TBC1D22A: variants seen among roughly 807,000 people sequenced by gnomAD.
TBC1D22A encodes TBC1 domain family member 22A.
In TBC1D22A, 38 loss-of-function variants were observed where a neutral mutation model predicts 60.2. The observed-to-expected ratio is 0.63, with a 90% confidence interval of 0.49 to 0.83. The LOEUF is 0.83. TBC1D22A is among the 40% of genes least tolerant of loss of function. TBC1D22A has a pLI of 0.00. For synonymous variants in TBC1D22A, 302 were observed against 281.7 expected (o/e 1.07, Z -0.72); for missense variants, 628 against 701.0 (o/e 0.90, Z 1.18).
chr22:47,001,460 A>AG (rs1164605211), intron 10 of TBC1D22A, among the ~76,000 whole-genome samples: 2 of 151,694 alleles, frequency 1.3e-5, no homozygotes, highest in Non-Finnish European at 2.9e-5. Flanking sequence ...AGAAAAAAAA[A>AG]AAAAAAAAAA....
At chr22:46,951,810 G>A (rs887794865) in intron 8 of TBC1D22A, among the ~76,000 whole-genome samples, 1 of 152,342 alleles carries the variant, frequency 6.6e-6, no homozygotes, top group Middle Eastern at 3.4e-3. Context: ...TGTAGGAAAT[G>A]TCTTTCTTTA....
chr22:46,925,359 C>G (rs1006365606), intron 8 of TBC1D22A, among the ~76,000 whole-genome samples: 3 of 152,258 alleles, frequency 2.0e-5, no homozygotes, highest in African/African-American at 7.2e-5. Context: ...CCTGGGGTTG[C>G]TCGTGTGTGG....
intron 4 of TBC1D22A, among the ~76,000 whole-genome samples, chr22:46,856,375 T>A (rs1271626321): frequency 6.6e-6 from 1 of 152,180 alleles, no homozygotes; most frequent in Non-Finnish European, 1.5e-5. Flanking sequence ...TCAGAAGGGG[T>A]TTGAGCTGAG....
intron 8 of TBC1D22A, among the ~76,000 whole-genome samples, chr22:46,965,290 C>A (rs2073743414): frequency 6.6e-6 from 1 of 152,242 alleles, no homozygotes; most frequent in Non-Finnish European, 1.5e-5. Context: ...TGCCATCTGA[C>A]CTGTGGGGGC....
At chr22:47,011,469 C>T (rs933607627) in intron 10 of TBC1D22A, among the ~76,000 whole-genome samples, 12 of 152,152 alleles carry the variant, frequency 7.9e-5, no homozygotes, top group African/African-American at 2.7e-4. Context: ...TTTTTGGCTT[C>T]GACCACATGC....
intron 7 of TBC1D22A, 119 bp from the exon 8 acceptor site, chr22:46,911,955 A>G (rs2069960464): frequency 1.5e-6 from 1 of 658,766 alleles, no homozygotes; most frequent in Non-Finnish European, 2.6e-6. Flanking sequence ...TTATATTTGT[A>G]TCTTAATATT....
chr22:46,780,503 G>A (rs927150811), intron 1 of TBC1D22A, among the ~76,000 whole-genome samples: 1 of 151,976 alleles, frequency 6.6e-6, no homozygotes, highest in African/African-American at 2.4e-5. Context: ...TTGGTGTAGA[G>A]GCTTCAAATT....
In TBC1D22A at chr22:47,173,940, G is replaced by A; in HGVS notation, c.*314G>A. On this transcript the variant is annotated 3_prime_UTR_variant, in exon 13 of 13. Transcript: ENST00000337137. ...AAATGACTGCCTCGTGCTGCCCCTA[G>A]TCCGGGGCAGCCTAGGAGGCCGACC... 1 of 279,778 alleles carries A rather than the reference G, an allele frequency of 3.6e-6. No individual in the cohort carries two copies. Among genetic ancestry groups the A allele is most frequent in the Non-Finnish European group, 6.9e-6 (1 of 144,666 alleles). The allele number at this position is 279,778 out of a possible 1,614,324, so 17.3% of individuals were successfully genotyped here. A position where few individuals can be genotyped will look rare whatever the true frequency, so the allele number is the denominator to read the frequency against.
At chr22:47,128,039 CTCTCCTCCG>C (rs2066535618) in intron 12 of TBC1D22A, among the ~76,000 whole-genome samples, 6 of 83,470 alleles carry the variant, frequency 7.2e-5, no homozygotes, top group African/African-American at 3.2e-4. Flanking sequence ...CCCACCCATC[CTCTCCTCCG>C]CCCAACCCAT....
chr22:46,866,447 A>C (rs1345009853), intron 4 of TBC1D22A, among the ~76,000 whole-genome samples: 3 of 152,234 alleles, frequency 2.0e-5, no homozygotes, highest in Non-Finnish European at 4.4e-5. Flanking sequence ...GAGTGAATCC[A>C]TCAGCATCAC....
intron 1 of TBC1D22A, among the ~76,000 whole-genome samples, chr22:46,779,510 C>T (rs1039990257): frequency 3.9e-5 from 6 of 152,160 alleles, no homozygotes; most frequent in African/African-American, 1.4e-4. Context: ...CTGCCCGCCT[C>T]GGCCTCCCAA....
intron 1 of TBC1D22A, among the ~76,000 whole-genome samples, chr22:46,774,947 C>G (rs1056699750): frequency 9.2e-5 from 14 of 152,236 alleles, no homozygotes; most frequent in Non-Finnish European, 1.3e-4. Context: ...GGCCTCTACT[C>G]CTTGCTGTGC....
intron 10 of TBC1D22A, among the ~76,000 whole-genome samples, chr22:47,015,588 G>T (rs1377023369): frequency 6.6e-6 from 1 of 152,144 alleles, no homozygotes; most frequent in Non-Finnish European, 1.5e-5. Flanking sequence ...CTTGTCTTGC[G>T]ACCACACACA....
intron 1 of TBC1D22A, among the ~76,000 whole-genome samples, chr22:46,774,978 T>C (rs949711889): frequency 1.3e-5 from 2 of 152,240 alleles, no homozygotes; most frequent in African/African-American, 4.8e-5. Context: ...TGGGCCTTCT[T>C]TTATCAAACA....
Position 46,762,745 on chromosome 22 carries a change from T to C in TBC1D22A, c.-42T>C. 7.1e-7 allele frequency: 1 copy of C among 1,407,032 alleles called. No individual in the cohort carries two copies. The highest frequency in any genetic ancestry group is 9.2e-7 in the Non-Finnish European group (1 of 1,083,454). The allele number at this position is 1,407,032 out of a possible 1,614,324, so 87.2% of individuals were successfully genotyped here. ...GCCGCTAGGGGAGGGCCGGGTGCAC[T>C]CGGGGTGTCTGGGCCGCGGGTCTGA... On this transcript the variant is annotated 5_prime_UTR_variant, in exon 1 of 13. Transcript: ENST00000337137.
intron 12 of TBC1D22A, among the ~76,000 whole-genome samples, chr22:47,130,048 G>A (rs1414321923): frequency 6.6e-6 from 1 of 152,198 alleles, no homozygotes; most frequent in Non-Finnish European, 1.5e-5. Flanking sequence ...TGGTGTGCCT[G>A]GACTTGTCAC....
chr22:46,873,549 A>G (rs1218824250), intron 4 of TBC1D22A, among the ~76,000 whole-genome samples: 2 of 152,146 alleles, frequency 1.3e-5, no homozygotes, highest in African/African-American at 4.8e-5. Flanking sequence ...CATGTGCAGG[A>G]TGTGCAGGTT....
chr22:46,763,561 G>A (rs889247771), intron 1 of TBC1D22A, among the ~76,000 whole-genome samples: 9 of 151,900 alleles, frequency 5.9e-5, no homozygotes, highest in Non-Finnish European at 1.0e-4. Context: ...GGGTACCTAG[G>A]ATAAAATCAG....
chr22:46,866,738 G>A (rs1158828656), intron 4 of TBC1D22A, among the ~76,000 whole-genome samples: 1 of 152,294 alleles, frequency 6.6e-6, no homozygotes, highest in South Asian at 2.1e-4. Context: ...AGACACTGAC[G>A]ACAGCTGATG....
Sources: gnomAD v4.1 joint callset for allele counts (sites outside exome capture counted in the v4.1 genomes callset) on GRCh38, gnomAD v4.1.1 for gene constraint, MANE v1.5 for transcripts, NCBI Gene and HGNC (gene_info 2026-07-23, HGNC 2026-07-21) for gene names.